MAPKBP1: variants seen among roughly 807,000 people sequenced by gnomAD.
MAPKBP1 encodes mitogen-activated protein kinase binding protein 1.
In MAPKBP1, 71 loss-of-function variants were observed where a neutral mutation model predicts 170.5. The ratio of observed to expected loss-of-function variants is 0.42; its 90% confidence interval spans 0.34 to 0.51. The LOEUF (loss-of-function observed/expected upper bound fraction) is 0.51, where lower values mean the gene tolerates loss of function less well. MAPKBP1 is among the 20% of genes least tolerant of loss of function. The pLI, the probability that MAPKBP1 is intolerant of heterozygous loss-of-function variation, is 0.06. For missense variants in MAPKBP1, 1,598 were observed against 1,933.0 expected (o/e 0.83, Z 3.25); for synonymous variants, 719 against 757.9 (o/e 0.95, Z 0.84).
rs1180590172 is a variant in MAPKBP1 at position 41,786,777 on chromosome 15, A to AATATATATATATATATAT, written c.114+11398_114+11415dup. 4.4e-3 allele frequency among the ~76,000 whole-genome samples: 139 copies of AATATATATATATATATAT among 31,936 alleles called. 4 individuals are homozygous for AATATATATATATATATAT. The highest frequency in any genetic ancestry group is 9.3e-3 in the South Asian group (9 of 970). The allele number at this position is 31,936 out of a possible 152,430, so 21.0% of individuals were successfully genotyped here. A position where few individuals can be genotyped will look rare whatever the true frequency, so the allele number is the denominator to read the frequency against. On this transcript the variant is annotated intron_variant, in intron 2 of 30. Transcript: ENST00000457542. Reference sequence around the variant, plus strand: ...CAGACTCCGTCTAAAAAAAAAAAAAAATATATATATATATATATATATATA... The same window carrying AATATATATATATATATAT: ...CAGACTCCGTCTAAAAAAAAAAAAAAATATATATATATATATATATATATATATATATATATATATATA...
At chr15:41,775,946 A>G (rs2064091531) in intron 2 of MAPKBP1, among the ~76,000 whole-genome samples, 4 of 152,384 alleles carry the variant, frequency 2.6e-5, no homozygotes, top group African/African-American at 4.8e-5. Flanking sequence ...AAGAAGCCAG[A>G]TATCTGTCAG....
At position 41,797,696 on chromosome 15, in the gene MAPKBP1, C is replaced by G. The variant is rs1489128802; in HGVS notation, c.115-2127C>G. 2.6e-5 allele frequency among the ~76,000 whole-genome samples: 4 copies of G among 152,142 alleles called. No homozygotes were observed. In the East Asian group the frequency reaches 7.7e-4, roughly 29 times the overall value. On this transcript the variant is annotated intron_variant, in intron 2 of 30. Transcript: ENST00000457542. The stretch of plus-strand genomic sequence containing the variant: ...CCACACTAGGTTTAGTGCCTCAGAT[C>G]GGCGCAAGGGTAATTGGCAAGTTTG...
At chr15:41,803,708 C>T (rs944228077) in intron 3 of MAPKBP1, among the ~76,000 whole-genome samples, 1 of 152,034 alleles carries the variant, frequency 6.6e-6, no homozygotes, top group African/African-American at 2.4e-5. Flanking sequence ...CAGTGAAACC[C>T]TGCCTCTTAA....
rs1193133659 is a variant in MAPKBP1 at position 41,816,593 on chromosome 15, A to C, written c.1528A>C (p.Lys510Gln). 6.2e-7 allele frequency: 1 copy of C among 1,614,050 alleles called. No homozygotes were observed. The highest frequency in any genetic ancestry group is 2.2e-5 in the East Asian group (1 of 44,880). Residue 510 changes from lysine to glutamine, a missense_variant, in exon 13 of 31, where the codon AAG (lysine) becomes CAG (glutamine). Lys to Gln is a moderately conservative substitution (Grantham distance 53, BLOSUM62 1). Transcript: ENST00000457542. Reference sequence around the variant, plus strand: ...ACTTCAGTCCCTGAGTGAGATGCTGAAGGTGGAGGCCCATGACTCTGAGAT... The same window carrying C: ...ACTTCAGTCCCTGAGTGAGATGCTGCAGGTGGAGGCCCATGACTCTGAGAT... Reference protein sequence around the residue: ...HELQSLSEMLKVEAHDSEILC... With the variant: ...HELQSLSEMLQVEAHDSEILC...
At chr15:41,783,149 G>C (rs917715775) in intron 2 of MAPKBP1, among the ~76,000 whole-genome samples, 2 of 152,226 alleles carry the variant, frequency 1.3e-5, no homozygotes, top group African/African-American at 2.4e-5. Flanking sequence ...GGTTGTTTTT[G>C]TGTGTGGGTA....
intron 29 of MAPKBP1, 35 bp downstream of exon 29, chr15:41,824,096 C>A: frequency 6.4e-7 from 1 of 1,558,868 alleles, no homozygotes; most frequent in South Asian, 1.2e-5. Context: ...TCTCCTGCCC[C>A]ATCCTTACTC....
chr15:41,819,192 C>A, intron 20 of MAPKBP1, 54 bp from the exon 21 acceptor site: 1 of 1,597,570 alleles, frequency 6.3e-7, no homozygotes, highest in Non-Finnish European at 8.6e-7. Flanking sequence ...CACTGAGCCT[C>A]CTCTCCCCCT....
intron 4 of MAPKBP1, 28 bp from the exon 5 acceptor site, chr15:41,811,150 C>T: frequency 1.2e-6 from 2 of 1,613,660 alleles, no homozygotes; most frequent in South Asian, 1.1e-5. Flanking sequence ...CTGCCAGTGC[C>T]CCTCTGAGCC....
intron 5 of MAPKBP1, 47 bp downstream of exon 5, chr15:41,811,282 C>G (rs1295787639): frequency 2.5e-6 from 4 of 1,605,844 alleles, no homozygotes. Context: ...GGCAGGTGTC[C>G]TGGCCTCCGC....
intron 2 of MAPKBP1, among the ~76,000 whole-genome samples, chr15:41,783,779 G>A (rs2064230500): frequency 6.6e-6 from 1 of 152,200 alleles, no homozygotes; most frequent in Admixed American, 6.5e-5. Context: ...GGAGGCCGAG[G>A]CGGGTGGATC....
At position 41,826,397 on chromosome 15, in the gene MAPKBP1, TACAC is replaced by T. The variant is rs201006753; in HGVS notation, c.*970_*973del. ...TCACACGCATGCACGTGCACACATG[TACAC>T]ACACACACCTACCTGCACAGCACGC... On this transcript the variant is annotated 3_prime_UTR_variant, in exon 31 of 31. Transcript: ENST00000457542. The T allele has an allele frequency of 2.0e-5, 3 of 152,318 alleles. No homozygotes were observed. Among genetic ancestry groups the T allele is most frequent in the Admixed American group, 6.5e-5 (1 of 15,288 alleles). The allele number at this position is 152,318 out of a possible 1,614,324, so 9.4% of individuals were successfully genotyped here.
intron 10 of MAPKBP1, 72 bp from the exon 11 acceptor site, chr15:41,815,187 C>T (rs2064869044): frequency 1.3e-6 from 2 of 1,581,894 alleles, no homozygotes; most frequent in African/African-American, 2.7e-5. Context: ...GTCCCATTCC[C>T]TTCCATCTCC....
Position 41,816,926 on chromosome 15 carries a change from A to G in MAPKBP1, c.1602A>G (p.Ala534=). ...CATCCCCAGGTCTGAAACTGCTAGC[A>G]TCGGCGAGCCGGGACCGGCTGATCC... The part of the protein sequence containing the change: ...SKPDTGLKLL[A]SASRDRLIHV... Residue 534 remains alanine (A), a synonymous_variant, in exon 14 of 31, where the codon GCA becomes GCG. Coordinates refer to ENST00000457542, the MANE Select transcript of MAPKBP1 (RefSeq NM_014994.3). 2.5e-6 allele frequency: 4 copies of G among 1,610,208 alleles called. No individual in the cohort carries two copies. Among genetic ancestry groups the G allele is most frequent in the Non-Finnish European group, 2.5e-6 (3 of 1,177,548 alleles).
At chr15:41,775,068 G>A in intron 1 of MAPKBP1, 99 bp from the exon 2 acceptor site, 1 of 560,534 alleles carries the variant, frequency 1.8e-6, no homozygotes, top group Non-Finnish European at 3.2e-6. Flanking sequence ...AGGTGGGGAT[G>A]AGGGAAATGG....
chr15:41,786,777 A>AAATATATATATATATATATATATAT, intron 2 of MAPKBP1, among the ~76,000 whole-genome samples: 6 of 32,428 alleles, frequency 1.9e-4, no homozygotes, highest in African/African-American at 3.9e-4. Flanking sequence ...AAAAAAAAAA[A>AAATATATATATATATATATATATAT]ATATATATAT....
At chr15:41,804,280 A>G (rs1414475663) in intron 3 of MAPKBP1, among the ~76,000 whole-genome samples, 1 of 152,224 alleles carries the variant, frequency 6.6e-6, no homozygotes, top group Non-Finnish European at 1.5e-5. Context: ...GTCTCTCCCA[A>G]GTGGTCCTCT....
chr15:41,818,064 G>A lies in MAPKBP1; in HGVS notation c.1960G>A (p.Glu654Lys). The A allele has an allele frequency of 6.2e-7, 1 of 1,614,158 alleles. No homozygotes were observed. Among genetic ancestry groups the A allele is most frequent in the Non-Finnish European group, 8.5e-7 (1 of 1,180,012 alleles). ...QKKLFKGSQG[E>K]DGTLIKVQTD... is the part of the protein sequence containing the mutation. ...GAAGCTGTTTAAAGGGTCACAGGGT[G>A]AGGACGGCACACTCATTAAGGTAAG... Residue 654 changes from glutamate to lysine, a missense_variant, in exon 17 of 31, where the codon GAG becomes AAG. By Grantham distance (56) the Glu-to-Lys change is moderately conservative. This residue lies in a region of MAPKBP1 where 430 missense variants were observed against 617.2 expected (regional missense o/e 0.70). Transcript: ENST00000457542. This position sits in a 1 kb window ranked among gnomAD's most constrained non-coding sequence, Gnocchi z 5.2.
In MAPKBP1 at chr15:41,813,107, T is replaced by C; in HGVS notation, c.819+6T>C. The C allele has an allele frequency of 6.3e-7, 1 of 1,594,970 alleles. No individual in the cohort carries two copies. Among genetic ancestry groups the C allele is most frequent in the South Asian group, 1.2e-5 (1 of 86,428 alleles). On this transcript the variant is annotated splice_donor_region_variant and intron_variant, in intron 8 of 30. Coordinates refer to ENST00000457542, the MANE Select transcript of MAPKBP1 (RefSeq NM_014994.3). Reference sequence around the variant, plus strand: ...ACAAGTGGGTGGAGCTGAGGGTAAGTACCTCCGTCCCCAGGGGTAGGGTCT... The same window carrying C: ...ACAAGTGGGTGGAGCTGAGGGTAAGCACCTCCGTCCCCAGGGGTAGGGTCT...
intron 2 of MAPKBP1, among the ~76,000 whole-genome samples, chr15:41,779,504 C>T (rs991325150): frequency 3.4e-4 from 52 of 152,114 alleles, no homozygotes; most frequent in African/African-American, 1.1e-3. Flanking sequence ...CCACCACGCC[C>T]GGCCAGTTAT....
Sources: allele counts gnomAD v4.1 joint callset (sites outside exome capture counted in the v4.1 genomes callset), GRCh38; gene constraint gnomAD v4.1.1; regional missense constraint gnomAD v4.1.1; non-coding constraint Gnocchi (gnomAD v3.1); transcripts MANE v1.5; gene names NCBI Gene and HGNC (gene_info 2026-07-23, HGNC 2026-07-21).